Variants in PRIM2 observed in about 807,000 individuals in gnomAD.
The protein encoded by PRIM2 is DNA primase large subunit.
In PRIM2, 39 loss-of-function variants were observed where a neutral mutation model predicts 67.3. The ratio of observed to expected loss-of-function variants is 0.58; its 90% CI spans 0.45 to 0.76. The LOEUF (loss-of-function observed/expected upper bound fraction) is 0.76. Among genes scored for constraint, PRIM2 ranks in the 30% least tolerant of loss-of-function variants. The pLI, the probability that PRIM2 is intolerant of heterozygous loss-of-function variation, is 0.00. For synonymous variants in PRIM2, 143 were observed against 198.7 expected (o/e 0.72, Z 2.36); for missense variants, 398 against 598.7 (o/e 0.66, Z 3.50).
At chr6:57,310,855 C>T (rs571368467), upstream of PRIM2, among the ~76,000 whole-genome samples, 38 of 148,444 alleles carry the variant, frequency 2.6e-4, 1 homozygote, top group African/African-American at 8.5e-4. Context: ...ACCTCCCAGA[C>T]AGGGCAGCAG....
In PRIM2 at chr6:57,462,533, A is replaced by T. The variant is rs1294551034; in HGVS notation, c.694-44854A>T. On this transcript the variant is annotated intron_variant, in intron 7 of 13. Coordinates refer to ENST00000615550, the MANE Select transcript of PRIM2 (RefSeq NM_000947.5). ...CTTTCATGTGTCTGGCCTAACCATG[A>T]TATTGGATTTGGTCAGGGGTTATGT... is the stretch of plus-strand genomic sequence containing the variant. Among the ~76,000 whole-genome samples, 190 of 152,234 alleles carry T rather than the reference A, an allele frequency of 1.2e-3. 6 individuals are homozygous for T. In the East Asian group the frequency reaches 0.016, roughly 13 times the overall value.
At chr6:57,471,958 T>C (rs2127402017) in intron 7 of PRIM2, among the ~76,000 whole-genome samples, 1 of 152,314 alleles carries the variant, frequency 6.6e-6, no homozygotes, top group South Asian at 2.1e-4. Context: ...GTGACATTTA[T>C]TGTGGAGCCC....
intron 7 of PRIM2, among the ~76,000 whole-genome samples, chr6:57,398,600 G>T (rs1404235875): frequency 2.6e-5 from 4 of 152,190 alleles, no homozygotes; most frequent in African/African-American, 9.7e-5. Context: ...GCTGTGTGGT[G>T]ATGAGAAGAA....
the PRIM2 span, among the ~76,000 whole-genome samples, chr6:57,309,273 A>C: frequency 7.0e-6 from 1 of 142,516 alleles, no homozygotes; most frequent in African/African-American, 2.6e-5. Flanking sequence ...TATATCTCCC[A>C]ATGCTATCCC....
chr6:57,572,708 G>T (rs1294077384), intron 10 of PRIM2, among the ~76,000 whole-genome samples: 1 of 152,218 alleles, frequency 6.6e-6, no homozygotes. Context: ...TCACTGTCCA[G>T]ATTGGATGAA....
At chr6:57,390,506 C>T (rs1414931838) in intron 7 of PRIM2, among the ~76,000 whole-genome samples, 2 of 151,892 alleles carry the variant, frequency 1.3e-5, no homozygotes, top group Non-Finnish European at 2.9e-5. Context: ...AACTCAGTAC[C>T]CAATAGTTAC....
At chr6:57,517,344 G>T (rs1481664411) in intron 8 of PRIM2, among the ~76,000 whole-genome samples, 1 of 152,070 alleles carries the variant, frequency 6.6e-6, no homozygotes, top group African/African-American at 2.4e-5. Flanking sequence ...AGAAAGCATT[G>T]TGGCAGTATT....
At chr6:57,559,845 T>G (rs2127477801) in intron 10 of PRIM2, among the ~76,000 whole-genome samples, 1 of 152,326 alleles carries the variant, frequency 6.6e-6, no homozygotes, top group East Asian at 1.9e-4. Flanking sequence ...TTTTTGTTAC[T>G]AAAAATGGTA....
the PRIM2 span, among the ~76,000 whole-genome samples, chr6:57,232,191 A>G: frequency 1.3e-5 from 2 of 152,270 alleles, no homozygotes; most frequent in African/African-American, 4.8e-5. Flanking sequence ...TGATGGTTAT[A>G]GACATCGAGT....
At chr6:57,585,772 G>C (rs1776176816) in intron 10 of PRIM2, among the ~76,000 whole-genome samples, 1 of 152,162 alleles carries the variant, frequency 6.6e-6, no homozygotes, top group African/African-American at 2.4e-5. Flanking sequence ...ATTCCGAGGA[G>C]CCTGACTTAA....
upstream of PRIM2, among the ~76,000 whole-genome samples, chr6:57,316,751 G>T (rs1048641195): frequency 6.6e-6 from 1 of 152,220 alleles, no homozygotes; most frequent in Non-Finnish European, 1.5e-5. Flanking sequence ...AACTGGTGTG[G>T]TGGCTCTGAC....
intron 8 of PRIM2, among the ~76,000 whole-genome samples, chr6:57,529,903 GA>G (rs1774850065): frequency 6.6e-6 from 1 of 152,118 alleles, no homozygotes; most frequent in Non-Finnish European, 1.5e-5. Flanking sequence ...TGTACCTGGT[GA>G]GAGCTTTCTT....
intron 7 of PRIM2, among the ~76,000 whole-genome samples, chr6:57,451,216 A>G (rs1212735564): frequency 1.3e-5 from 2 of 152,032 alleles, no homozygotes; most frequent in African/African-American, 4.8e-5. Flanking sequence ...CCTCGGCTCA[A>G]TGCAGCTTCC....
chr6:57,284,016 T>G, the PRIM2 span, among the ~76,000 whole-genome samples: 1 of 152,174 alleles, frequency 6.6e-6, no homozygotes, highest in Non-Finnish European at 1.5e-5. Context: ...GTATATTTCT[T>G]ACTCTCAAAA....
intron 5 of PRIM2, among the ~76,000 whole-genome samples, chr6:57,373,932 C>A (rs917361718): frequency 1.1e-4 from 17 of 151,758 alleles, no homozygotes; most frequent in African/African-American, 3.6e-4. Context: ...TATTTGGGCT[C>A]CTTTTTGGTT....
intron 7 of PRIM2, among the ~76,000 whole-genome samples, chr6:57,505,892 A>G (rs1554347205): frequency 6.6e-6 from 1 of 151,852 alleles, no homozygotes; most frequent in African/African-American, 2.4e-5. Flanking sequence ...GTTTTCAGAG[A>G]ACTGACTTTT....
chr6:57,530,574 A>G (rs1400069886), intron 8 of PRIM2, among the ~76,000 whole-genome samples: 4,862 of 152,244 alleles, frequency 0.032, 253 homozygotes, highest in African/African-American at 0.11. Flanking sequence ...CCTTCACTCA[A>G]TAATCCTTCA....
At chr6:57,468,006 C>T (rs1489844580) in intron 7 of PRIM2, among the ~76,000 whole-genome samples, 2 of 152,176 alleles carry the variant, frequency 1.3e-5, no homozygotes, top group East Asian at 3.8e-4. Context: ...AGTTGCTCAT[C>T]AGCTTAAGGA....
intron 6 of PRIM2, 49 bp downstream of exon 6, chr6:57,380,045 T>A: frequency 1.4e-6 from 2 of 1,445,132 alleles, no homozygotes; most frequent in Non-Finnish European, 1.9e-6. Flanking sequence ...ATATGTCGCA[T>A]TGAGCTTTAT....
Sources: gnomAD v4.1 joint callset for allele counts (sites outside exome capture counted in the v4.1 genomes callset) on GRCh38, gnomAD v4.1.1 for gene constraint, MANE v1.5 for transcripts, NCBI Gene and HGNC (gene_info 2026-07-23, HGNC 2026-07-21) for gene names.